Variants in DOP1A observed in about 807,000 individuals in gnomAD.
The protein encoded by DOP1A is protein DOP1A.
Under a neutral mutation model 267.6 loss-of-function variants are expected in DOP1A, and 90 were observed. That is an observed-to-expected ratio of 0.34 (90% CI 0.28 to 0.40). The LOEUF is 0.40. Among genes scored for constraint, DOP1A ranks in the 10% least tolerant of loss-of-function variants. The pLI is 1.00. For synonymous variants in DOP1A, 932 were observed against 999.1 expected, an observed-to-expected ratio of 0.93 and a Z score of 1.27; for missense variants, 2,437 against 2,900.4, an observed-to-expected ratio of 0.84 and a Z score of 3.67.
At chr6:83,164,067 A>G (rs1391951505) in intron 38 of DOP1A, among the ~76,000 whole-genome samples, 4 of 148,766 alleles carry the variant, frequency 2.7e-5, no homozygotes, top group African/African-American at 1.0e-4. Flanking sequence ...AAATTGTACA[A>G]TTTGGGAGTG....
chr6:83,164,680 G>A, intron 38 of DOP1A: 1 of 1,586,672 alleles, frequency 6.3e-7, no homozygotes, highest in Middle Eastern at 1.7e-4. Flanking sequence ...AGGACTTTAA[G>A]ACAGTGATTT....
intron 1 of DOP1A, among the ~76,000 whole-genome samples, chr6:83,078,306 C>T (rs1260578514): frequency 3.3e-5 from 5 of 152,128 alleles, no homozygotes; most frequent in Non-Finnish European, 5.9e-5. Context: ...ACTTCTTATA[C>T]GCTAAGTTAA....
chr6:83,142,082 C>T, intron 24 of DOP1A, 36 bp downstream of exon 24: 1 of 1,605,256 alleles, frequency 6.2e-7, no homozygotes, highest in Non-Finnish European at 8.5e-7. Context: ...TTTGTTTTTG[C>T]ATTTGGTGAG....
intron 38 of DOP1A, among the ~76,000 whole-genome samples, chr6:83,163,782 C>G (rs914870404): frequency 6.6e-6 from 1 of 151,924 alleles, no homozygotes; most frequent in African/African-American, 2.4e-5. Flanking sequence ...GTTAAACTGG[C>G]TTTATGACTC....
chr6:83,080,666 T>C (rs1415354354), intron 1 of DOP1A, among the ~76,000 whole-genome samples: 1 of 152,218 alleles, frequency 6.6e-6, no homozygotes, highest in Non-Finnish European at 1.5e-5. Flanking sequence ...AGTACCTCTG[T>C]AGTATTTCAT....
chr6:83,151,762 C>T (rs1252880616), intron 28 of DOP1A, 103 bp downstream of exon 28: 20 of 1,439,466 alleles, frequency 1.4e-5, no homozygotes, highest in Admixed American at 2.1e-5. Flanking sequence ...CAACTCTGAA[C>T]ATTCTATGGG....
chr6:83,076,870 G>A (rs965294290), intron 1 of DOP1A, among the ~76,000 whole-genome samples: 1 of 152,194 alleles, frequency 6.6e-6, no homozygotes, highest in Non-Finnish European at 1.5e-5. Flanking sequence ...AACAACCTAT[G>A]TGTGCATCTA....
intron 24 of DOP1A, among the ~76,000 whole-genome samples, chr6:83,145,206 T>A (rs371043710): frequency 3.3e-4 from 1 of 3,012 alleles, no homozygotes; most frequent in African/African-American, 1.3e-3. Flanking sequence ...ATATATATAA[T>A]AATATATATA....
intron 1 of DOP1A, among the ~76,000 whole-genome samples, chr6:83,086,320 G>A (rs1462888682): frequency 6.6e-6 from 1 of 152,138 alleles, no homozygotes; most frequent in Non-Finnish European, 1.5e-5. Context: ...AAAACCATAA[G>A]AGAAAATATA....
At position 83,121,030 on chromosome 6, in the gene DOP1A, C is replaced by T. The variant is rs111450607; in HGVS notation, c.1099+239C>T. Among the ~76,000 whole-genome samples the T allele has an allele frequency of 8.8e-3, 1,336 of 151,916 alleles. 18 individuals carry two copies. Among genetic ancestry groups the T allele is most frequent in the African/African-American group, 0.031 (1,269 of 41,520 alleles). ...AGAAGAATCCCTTTAAAGATGCTATCTAAGCTTCTCTTAATCCTGATTGTA... is the reference window on the plus strand; with the variant it reads ...AGAAGAATCCCTTTAAAGATGCTATTTAAGCTTCTCTTAATCCTGATTGTA... On this transcript the variant is annotated intron_variant, in intron 10 of 38. Transcript: ENST00000349129.
At chr6:83,142,327 G>C (rs1376609512) in intron 24 of DOP1A, among the ~76,000 whole-genome samples, 1 of 152,022 alleles carries the variant, frequency 6.6e-6, no homozygotes, top group Non-Finnish European at 1.5e-5. Context: ...GGCCAACATA[G>C]TGAAACCCCG....
rs377650827 is a variant in DOP1A at position 83,071,999 on chromosome 6, T to C, written c.-147+4220T>C. 9.2e-5 allele frequency among the ~76,000 whole-genome samples: 14 copies of C among 152,264 alleles called. No homozygotes were observed. The East Asian group carries it at 1.5e-3, about 17-fold the overall frequency. On this transcript the variant is annotated intron_variant, in intron 1 of 38. Coordinates refer to ENST00000349129, the MANE Select transcript of DOP1A (RefSeq NM_015018.4). ...GTAATAAAGTTAAAATAATCTCCTA[T>C]CTCCTTTAGTTTTTTCTCTCATCAC...
intron 24 of DOP1A, among the ~76,000 whole-genome samples, chr6:83,144,733 A>G (rs1256072740): frequency 1.3e-5 from 2 of 152,074 alleles, no homozygotes; most frequent in African/African-American, 4.8e-5. Flanking sequence ...GAAATAGGAA[A>G]AATAGTAGTA....
rs1359419239 is a variant in DOP1A, at chr6:83,091,699, A to G, written c.-146-5032A>G. ...ACCCCTATTTTCATTAATAGAAATT[A>G]CTACTAAATTGCTTGGCAGGTTAAT... On this transcript the variant is annotated intron_variant, in intron 1 of 38. Transcript: ENST00000349129. Among the ~76,000 whole-genome samples the G allele has an allele frequency of 2.6e-5, 4 of 152,328 alleles. No homozygotes were observed. In the South Asian group the frequency reaches 8.3e-4, roughly 32 times the overall value.
In DOP1A at chr6:83,087,512, G is replaced by T. The variant is rs76535457; in HGVS notation, c.-146-9219G>T. On this transcript the variant is annotated intron_variant, in intron 1 of 38. Coordinates refer to ENST00000349129, the MANE Select transcript of DOP1A (RefSeq NM_015018.4). ...TTCCACACTCTTTACCCCAAGGTAG[G>T]ATGGGTATGAGAAGGAAAACAGCCT... Among the ~76,000 whole-genome samples the T allele has an allele frequency of 6.6e-4, 100 of 152,292 alleles. 1 individual carries two copies. The East Asian group carries it at 0.015, about 23-fold the overall frequency.
At chr6:83,160,391 A>G (rs1783951591) in intron 37 of DOP1A, among the ~76,000 whole-genome samples, 1 of 152,236 alleles carries the variant, frequency 6.6e-6, no homozygotes, top group African/African-American at 2.4e-5. Context: ...CAGACATGAT[A>G]CGTCTGAAGT....
At chr6:83,118,628 T>C (rs1775859494) in intron 7 of DOP1A, among the ~76,000 whole-genome samples, 1 of 152,206 alleles carries the variant, frequency 6.6e-6, no homozygotes, top group Non-Finnish European at 1.5e-5. Flanking sequence ...TTGCTTTTAT[T>C]ATATAGACAA....
At chr6:83,157,070 T>G (rs1782966905) in intron 34 of DOP1A, 112 bp from the exon 35 acceptor site, 1 of 1,051,212 alleles carries the variant, frequency 9.5e-7, no homozygotes, top group East Asian at 2.7e-5. Context: ...TTTGAATTTT[T>G]TTAAAGTTTA....
chr6:83,145,749 A>G (rs1271074675), intron 25 of DOP1A, 91 bp downstream of exon 25: 5 of 1,270,528 alleles, frequency 3.9e-6, no homozygotes, highest in African/African-American at 1.5e-5. Context: ...TGTCCTTTCA[A>G]TATAGTACAG....
Sources: gnomAD v4.1 joint callset for allele counts (sites outside exome capture counted in the v4.1 genomes callset) on GRCh38, gnomAD v4.1.1 for gene constraint, MANE v1.5 for transcripts, NCBI Gene and HGNC (gene_info 2026-07-23, HGNC 2026-07-21) for gene names.